Variants in RALYL observed in about 807,000 individuals in gnomAD.
RALYL encodes RNA-binding Raly-like protein.
Under a neutral mutation model 35.1 loss-of-function variants are expected in RALYL, and 29 were observed. The observed-to-expected ratio is 0.83, with a 90% CI of 0.61 to 1.13. RALYL has a LOEUF of 1.13. Ranked by LOEUF, RALYL falls within the 50% of genes most tolerant of loss-of-function variation. RALYL has a pLI of 0.00. For missense variants in RALYL, 359 were observed against 360.4 expected, an observed-to-expected ratio of 1.00 and a Z score of 0.03; for synonymous variants, 120 against 127.6, an observed-to-expected ratio of 0.94 and a Z score of 0.40.
intron 1 of RALYL, among the ~76,000 whole-genome samples, chr8:84,425,783 C>CTATGTGTGTA (rs372367035): frequency 0.013 from 1,834 of 144,584 alleles, 38 homozygotes; most frequent in African/African-American, 0.044. Flanking sequence ...AGTTTTTCTT[C>CTATGTGTGTA]TGTGTGTGTG....
intron 1 of RALYL, among the ~76,000 whole-genome samples, chr8:84,378,651 A>G (rs1205640677): frequency 2.0e-5 from 3 of 151,854 alleles, no homozygotes; most frequent in Admixed American, 2.0e-4. Flanking sequence ...GTAATACTGA[A>G]CAGAGTCTAG....
chr8:84,861,543 GC>G (rs1411532292), intron 5 of RALYL, among the ~76,000 whole-genome samples: 1 of 152,060 alleles, frequency 6.6e-6, no homozygotes, highest in African/African-American at 2.4e-5. Context: ...TGTTAAATAT[GC>G]TTGTAATATC....
intron 4 of RALYL, among the ~76,000 whole-genome samples, chr8:84,806,916 C>T (rs1165064324): frequency 2.0e-5 from 3 of 152,118 alleles, no homozygotes; most frequent in African/African-American, 4.8e-5. Flanking sequence ...GGGGCTGAGG[C>T]GGGAGGATCA....
chr8:84,714,877 G>A (rs1589156101), intron 2 of RALYL, among the ~76,000 whole-genome samples: 1 of 151,888 alleles, frequency 6.6e-6, no homozygotes, highest in South Asian at 2.1e-4. Flanking sequence ...AGTTAACCAA[G>A]TGTGATTATG....
intron 2 of RALYL, among the ~76,000 whole-genome samples, chr8:84,580,129 C>A (rs2135956252): frequency 6.6e-6 from 1 of 152,258 alleles, no homozygotes; most frequent in Non-Finnish European, 1.5e-5. Flanking sequence ...CTTGTGTTAT[C>A]ATATAAGACA....
intron 1 of RALYL, chr8:84,184,960 C>A: frequency 6.2e-7 from 1 of 1,613,222 alleles, no homozygotes; most frequent in Non-Finnish European, 8.5e-7. Context: ...AGGATGGCAC[C>A]GGCCCTCGCA....
intron 1 of RALYL, among the ~76,000 whole-genome samples, chr8:84,272,566 G>A (rs1361243177): frequency 6.6e-6 from 1 of 152,174 alleles, no homozygotes; most frequent in Non-Finnish European, 1.5e-5. Flanking sequence ...TCAGCAGGAT[G>A]ACAAATATCA....
intron 8 of RALYL, among the ~76,000 whole-genome samples, chr8:84,898,355 G>A (rs973878657): frequency 6.6e-6 from 1 of 152,164 alleles, no homozygotes; most frequent in Non-Finnish European, 1.5e-5. Flanking sequence ...TGACATCACT[G>A]AGGGTGCATC....
At chr8:84,776,040 A>G (rs572966122) in intron 3 of RALYL, among the ~76,000 whole-genome samples, 145 of 152,308 alleles carry the variant, frequency 9.5e-4, no homozygotes, top group African/African-American at 3.3e-3. Context: ...AGTTAACATA[A>G]AAGTGTTGAG....
At chr8:84,221,871 G>C (rs1476789925) in intron 1 of RALYL, among the ~76,000 whole-genome samples, 1 of 152,086 alleles carries the variant, frequency 6.6e-6, no homozygotes, top group African/African-American at 2.4e-5. Flanking sequence ...TCTTTCTAGA[G>C]TCTGCTAGTC....
chr8:84,422,106 T>G lies in RALYL; in HGVS notation c.-23-107193T>G, dbSNP rs1195628045. ...TTCCCTCTTTTTCTATTGATTGGAA[T>G]AGTTTCAGAAGGAATGGTACCAGTT... On this transcript the variant is annotated intron_variant, in intron 1 of 8. Coordinates refer to ENST00000521268, the MANE Select transcript of RALYL (RefSeq NM_173848.7). Among the ~76,000 whole-genome samples the G allele has an allele frequency of 2.7e-5, 4 of 149,854 alleles. No individual in the cohort carries two copies. The East Asian group carries it at 7.9e-4, about 30-fold the overall frequency.
At chr8:84,710,965 A>T (rs73298127) in intron 2 of RALYL, among the ~76,000 whole-genome samples, 3,127 of 152,268 alleles carry the variant, frequency 0.021, 119 homozygotes, top group African/African-American at 0.071. Flanking sequence ...TAAGGGAGAA[A>T]TGGAGTTTTG....
chr8:84,187,416 A>G (rs1812794646), intron 1 of RALYL, among the ~76,000 whole-genome samples: 1 of 152,090 alleles, frequency 6.6e-6, no homozygotes, highest in African/African-American at 2.4e-5. Context: ...ATTATTTTTC[A>G]TATTTATTTT....
At chr8:84,455,028 T>C (rs1169796730) in intron 1 of RALYL, among the ~76,000 whole-genome samples, 1 of 152,022 alleles carries the variant, frequency 6.6e-6, no homozygotes, top group Admixed American at 6.6e-5. Context: ...GGGGTAACTA[T>C]ACATAGTATA....
At chr8:84,655,176 A>G (rs1315409994) in intron 2 of RALYL, among the ~76,000 whole-genome samples, 1 of 151,990 alleles carries the variant, frequency 6.6e-6, no homozygotes, top group East Asian at 1.9e-4. Context: ...TTTGATTTGC[A>G]TTTCTCTGAA....
intron 1 of RALYL, among the ~76,000 whole-genome samples, chr8:84,410,746 A>G (rs2044016893): frequency 6.6e-6 from 1 of 151,752 alleles, no homozygotes; most frequent in Non-Finnish European, 1.5e-5. Context: ...TCTATGTTTG[A>G]TAAAGTTGCA....
intron 4 of RALYL, among the ~76,000 whole-genome samples, chr8:84,837,083 C>T (rs1832175320): frequency 6.6e-6 from 1 of 152,178 alleles, no homozygotes; most frequent in Admixed American, 6.5e-5. Context: ...TGTTTGATCC[C>T]TGTGTCTCAC....
chr8:84,821,483 C>G (rs1828515925), intron 4 of RALYL, among the ~76,000 whole-genome samples: 1 of 152,060 alleles, frequency 6.6e-6, no homozygotes, highest in East Asian at 1.9e-4. Flanking sequence ...TTTAATTATT[C>G]AGGAAAATAA....
intron 2 of RALYL, among the ~76,000 whole-genome samples, chr8:84,713,681 TC>T (rs1210475022): frequency 6.6e-6 from 1 of 151,812 alleles, no homozygotes; most frequent in East Asian, 1.9e-4. Context: ...TGAAGTTTCC[TC>T]ATAAAATAAA....
Sources: allele counts gnomAD v4.1 joint callset (sites outside exome capture counted in the v4.1 genomes callset), GRCh38; gene constraint gnomAD v4.1.1; transcripts MANE v1.5; gene names NCBI Gene and HGNC (gene_info 2026-07-23, HGNC 2026-07-21).